The following PDK1 variants were observed in gnomAD, a reference collection of about 807,000 sequenced individuals.
The protein encoded by PDK1 is [Pyruvate dehydrogenase (acetyl-transferring)] kinase isozyme 1, mitochondrial.
A neutral mutation model predicts 54.2 loss-of-function variants in PDK1; 39 were observed. That is an observed-to-expected ratio of 0.72 (90% CI 0.56 to 0.94). PDK1 has a LOEUF of 0.94. Ranked by LOEUF, PDK1 falls within the 40% of genes least tolerant of loss-of-function variation. The pLI is 0.00. For missense variants in PDK1, 552 were observed against 566.0 expected, an observed-to-expected ratio of 0.98 and a Z score of 0.25; for synonymous variants, 221 against 207.1, an observed-to-expected ratio of 1.07 and a Z score of -0.58.
chr2:172,612,740 C>A (rs888919017), downstream of PDK1, among the ~76,000 whole-genome samples: 6 of 151,852 alleles, frequency 4.0e-5, no homozygotes, highest in African/African-American at 1.5e-4. Context: ...TGATCTCAGC[C>A]CACTGCAACC....
chr2:172,619,788 G>C, the PDK1 span, among the ~76,000 whole-genome samples: 1 of 152,176 alleles, frequency 6.6e-6, no homozygotes, highest in Admixed American at 6.5e-5. Flanking sequence ...AAGAGTCTCA[G>C]TTTCATTTAA....
At chr2:172,715,511 C>G in the PDK1 span, among the ~76,000 whole-genome samples, 2 of 152,092 alleles carry the variant, frequency 1.3e-5, no homozygotes. Flanking sequence ...TTTAGAAAGC[C>G]CAGCGACACA....
the PDK1 span, among the ~76,000 whole-genome samples, chr2:172,718,364 A>C: frequency 6.6e-6 from 1 of 152,264 alleles, no homozygotes; most frequent in Non-Finnish European, 1.5e-5. Flanking sequence ...AAAAACTTCC[A>C]TAAAAAATGA....
the PDK1 span, among the ~76,000 whole-genome samples, chr2:172,701,283 G>T: frequency 5.9e-5 from 9 of 151,952 alleles, no homozygotes; most frequent in Non-Finnish European, 8.8e-5. Context: ...CATCACAAAA[G>T]GTTGTCTTGA....
the PDK1 span, among the ~76,000 whole-genome samples, chr2:172,648,159 T>C: frequency 2.6e-5 from 4 of 152,156 alleles, no homozygotes; most frequent in Non-Finnish European, 4.4e-5. Flanking sequence ...AGGATATTAG[T>C]AGGAAACCCG....
intron 1 of PDK1, among the ~76,000 whole-genome samples, 161 bp from the exon 2 acceptor site, chr2:172,558,547 C>T (rs563105096): frequency 1.3e-5 from 2 of 152,360 alleles, no homozygotes; most frequent in South Asian, 4.1e-4. Flanking sequence ...TCCCTCGCCT[C>T]CCACAGGCAG....
Position 172,564,497 on chromosome 2 carries a change from G to A in PDK1, c.411-6G>A. The A allele has an allele frequency of 1.2e-6, 2 of 1,606,044 alleles. No homozygotes were observed. The highest frequency in any genetic ancestry group is 1.7e-6 in the Non-Finnish European group (2 of 1,174,070). On this transcript the variant is annotated splice_polypyrimidine_tract_variant and splice_region_variant and intron_variant, in intron 3 of 10. Coordinates refer to ENST00000282077, the MANE Select transcript of PDK1 (RefSeq NM_002610.5). ...TTTGGCTGTTTTGACAGATGGGTTTGTTTAGCTTTACAGATACTGTGATAC... is the reference window on the plus strand; with the variant it reads ...TTTGGCTGTTTTGACAGATGGGTTTATTTAGCTTTACAGATACTGTGATAC...
intron 10 of PDK1, among the ~76,000 whole-genome samples, chr2:172,593,604 A>C (rs1460398837): frequency 6.6e-6 from 1 of 152,228 alleles, no homozygotes; most frequent in East Asian, 1.9e-4. Context: ...GTTTTCAAGG[A>C]AACATTCCCC....
chr2:172,702,690 T>C, the PDK1 span, among the ~76,000 whole-genome samples: 14 of 151,914 alleles, frequency 9.2e-5, 1 homozygote, highest in East Asian at 1.9e-3. Context: ...GTTTCCTCCT[T>C]CTTTTGGATT....
chr2:172,556,148 G>C lies in PDK1; in HGVS notation c.-3G>C, dbSNP rs770366453. The C allele has an allele frequency of 1.4e-6, 2 of 1,410,944 alleles. No individual in the cohort carries two copies. The highest frequency in any genetic ancestry group is 6.1e-5 in the East Asian group (2 of 32,548). The allele number at this position is 1,410,944 out of a possible 1,614,324, so 87.4% of individuals were successfully genotyped here. ...GGCTGTGGCTTCTCTAGCGGGACTC[G>C]GCATGAGGCTGGCGCGGCTGCTTCG... On this transcript the variant is annotated 5_prime_UTR_variant, in exon 1 of 11. Transcript: ENST00000282077.
At chr2:172,659,540 C>T in the PDK1 span, among the ~76,000 whole-genome samples, 12 of 152,078 alleles carry the variant, frequency 7.9e-5, no homozygotes, top group Non-Finnish European at 4.4e-5. Context: ...TCTCAGCACC[C>T]CACAACCGAA....
Position 172,562,220 on chromosome 2 carries a change from G to GTATAT in PDK1, c.340_344dup (p.Gln116IlefsTer29), listed in dbSNP as rs1294277209. 1 of 1,542,108 alleles carries GTATAT rather than the reference G, an allele frequency of 6.5e-7. No homozygotes were observed. The highest frequency in any genetic ancestry group is 1.1e-5 in the South Asian group (1 of 88,624). On this transcript the variant is annotated frameshift_variant and splice_region_variant, in exon 3 of 11. Transcript: ENST00000282077. LOFTEE classifies it high-confidence loss of function. ...CTTATCCTATTGATCTGCATTTTAGGTATATCCAGAGTCTTCAGGAGCTTC... is the reference window on the plus strand; with the variant it reads ...CTTATCCTATTGATCTGCATTTTAGGTATATTATATCCAGAGTCTTCAGGAGCTTC...
At chr2:172,707,414 G>T in the PDK1 span, among the ~76,000 whole-genome samples, 1 of 152,034 alleles carries the variant, frequency 6.6e-6, no homozygotes, top group African/African-American at 2.4e-5. Flanking sequence ...AGTGGAAATC[G>T]TCTGAAAGTT....
the PDK1 span, among the ~76,000 whole-genome samples, chr2:172,675,912 G>A: frequency 6.6e-6 from 1 of 152,112 alleles, no homozygotes; most frequent in Non-Finnish European, 1.5e-5. Context: ...CACAGCTGGT[G>A]ACTTTAAGTT....
chr2:172,622,723 T>TTTATATCTCATATATTATGTGAGATATGC, the PDK1 span, among the ~76,000 whole-genome samples: 5 of 122,548 alleles, frequency 4.1e-5, no homozygotes, highest in African/African-American at 1.4e-4. Flanking sequence ...GTGAGATATG[T>TTTATATCTCATATATTATGTGAGATATGC]TTATATCTCA....
the PDK1 span, among the ~76,000 whole-genome samples, chr2:172,651,790 G>A: frequency 1.3e-4 from 20 of 152,222 alleles, no homozygotes; most frequent in African/African-American, 4.6e-4. Context: ...TCTCTGAATA[G>A]ACCAATAACA....
the PDK1 span, among the ~76,000 whole-genome samples, chr2:172,645,811 A>C: frequency 8.1e-3 from 1,235 of 152,324 alleles, 21 homozygotes; most frequent in African/African-American, 0.028. Flanking sequence ...TCAGCACAGT[A>C]CCTGGCAGAA....
At chr2:172,685,949 T>C in the PDK1 span, among the ~76,000 whole-genome samples, 1 of 152,352 alleles carries the variant, frequency 6.6e-6, no homozygotes, top group East Asian at 1.9e-4. Context: ...TTGTTCAACA[T>C]ACATCCTATG....
Position 172,599,945 on chromosome 2 carries a change from C to G in PDK1, c.*3976C>G, listed in dbSNP as rs1310174389. On this transcript the variant is annotated 3_prime_UTR_variant, in exon 11 of 11. Coordinates refer to ENST00000282077, the MANE Select transcript of PDK1 (RefSeq NM_002610.5). ...ATTTAGCAAAAATACAGAGTTTCAC[C>G]CCAGTAAAATAAACTTCCACGTGAG... The G allele has an allele frequency of 6.6e-6, 1 of 152,062 alleles. No individual in the cohort carries two copies. Among genetic ancestry groups the G allele is most frequent in the Admixed American group, 6.6e-5 (1 of 15,260 alleles). 9.4% of individuals were successfully genotyped at this position (152,062 alleles called of 1,614,324 possible). A position where few individuals can be genotyped will look rare whatever the true frequency, so the allele number is the denominator to read the frequency against.
Sources: allele counts gnomAD v4.1 joint callset (sites outside exome capture counted in the v4.1 genomes callset), GRCh38; gene constraint gnomAD v4.1.1; transcripts MANE v1.5; gene names NCBI Gene and HGNC (gene_info 2026-07-23, HGNC 2026-07-21).